The following CCDC91 variants were observed in gnomAD, a reference collection of about 807,000 sequenced individuals.
The protein encoded by CCDC91 is coiled-coil domain containing 91, also known as coiled-coil domain-containing protein 91.
In CCDC91, 48 loss-of-function variants were observed where a neutral mutation model predicts 63.2. The ratio of observed to expected loss-of-function variants is 0.76; its 90% CI spans 0.60 to 0.97. The LOEUF is 0.97. Among genes scored for constraint, CCDC91 ranks in the 50% least tolerant of loss-of-function variants. The probability of loss-of-function intolerance (pLI) is 0.00; values close to 1 mark genes in which losing one functional copy is unlikely to be tolerated. For synonymous variants in CCDC91, 167 were observed against 165.8 expected (o/e 1.01, Z -0.06); for missense variants, 500 against 494.6 (o/e 1.01, Z -0.10).
intron 6 of CCDC91, among the ~76,000 whole-genome samples, chr12:28,315,439 T>C (rs1417506075): frequency 2.0e-5 from 3 of 152,012 alleles, no homozygotes; most frequent in Admixed American, 2.0e-4. Flanking sequence ...ATGCTGGGAT[T>C]ACAGGCATGA....
intron 8 of CCDC91, among the ~76,000 whole-genome samples, chr12:28,399,206 T>TA (rs1405273065): frequency 1.3e-5 from 2 of 152,128 alleles, no homozygotes; most frequent in African/African-American, 2.4e-5. Context: ...TCAGGAAACT[T>TA]ACAATCATAG....
intron 12 of CCDC91, among the ~76,000 whole-genome samples, chr12:28,487,155 G>A (rs1951768888): frequency 6.6e-6 from 1 of 151,806 alleles, no homozygotes. Flanking sequence ...GATTAAAACT[G>A]ATTTAATCAG....
At chr12:28,283,065 T>C (rs139722594) in intron 3 of CCDC91, among the ~76,000 whole-genome samples, 1 of 152,262 alleles carries the variant, frequency 6.6e-6, no homozygotes, top group Non-Finnish European at 1.5e-5. Context: ...TCTATTGGCC[T>C]ATGTGTCTAC....
At chr12:28,490,011 A>C (rs1951914544) in intron 12 of CCDC91, among the ~76,000 whole-genome samples, 1 of 151,950 alleles carries the variant, frequency 6.6e-6, no homozygotes, top group Non-Finnish European at 1.5e-5. Context: ...GACTATGAGT[A>C]ACATTTTCCT....
intron 1 of CCDC91, among the ~76,000 whole-genome samples, chr12:28,251,919 G>A (rs1169754427): frequency 1.3e-5 from 2 of 152,172 alleles, no homozygotes; most frequent in Admixed American, 6.5e-5. Context: ...CTAATCCTAT[G>A]TCTTTTTCTT....
intron 11 of CCDC91, among the ~76,000 whole-genome samples, chr12:28,479,238 A>G (rs916650073): frequency 1.3e-5 from 2 of 152,172 alleles, no homozygotes; most frequent in African/African-American, 4.8e-5. Context: ...GATAGACACG[A>G]TTAAGAAAAT....
At chr12:28,374,985 A>G (rs1944854230) in intron 7 of CCDC91, among the ~76,000 whole-genome samples, 2 of 152,064 alleles carry the variant, frequency 1.3e-5, no homozygotes, top group South Asian at 4.1e-4. Context: ...TCCTGAAGGA[A>G]TGTTACATGC....
rs1592541955 is a variant in CCDC91, at chr12:28,395,723, A to T, written c.762+4312A>T. ...ATGGGGGCTATCATCAGAAAAACCG[A>T]GGCATGAATAAAGGGTTGAAACTTT... On this transcript the variant is annotated intron_variant, in intron 8 of 12. Transcript: ENST00000536442. 2.0e-5 allele frequency among the ~76,000 whole-genome samples: 3 copies of T among 152,280 alleles called. No individual in the cohort carries two copies. In the South Asian group the frequency reaches 6.2e-4, roughly 32 times the overall value.
chr12:28,548,742 T>G (rs1469008862), intron 12 of CCDC91, among the ~76,000 whole-genome samples: 1 of 152,174 alleles, frequency 6.6e-6, no homozygotes, highest in East Asian at 1.9e-4. Context: ...TTTGTGGATG[T>G]TTGGTTGCGT....
intron 11 of CCDC91, among the ~76,000 whole-genome samples, chr12:28,480,273 AT>A (rs1455176781): frequency 1.3e-5 from 2 of 151,964 alleles, no homozygotes; most frequent in Non-Finnish European, 2.9e-5. Flanking sequence ...GAGCTCACCT[AT>A]TTTTTTAAGG....
At chr12:28,328,888 A>T (rs1253554071) in intron 6 of CCDC91, among the ~76,000 whole-genome samples, 1 of 152,110 alleles carries the variant, frequency 6.6e-6, no homozygotes, top group Non-Finnish European at 1.5e-5. Context: ...TTGAATATAG[A>T]TGCTTAAAAT....
At position 28,329,865 on chromosome 12, in the gene CCDC91, G is replaced by A. The variant is rs1329135496; in HGVS notation, c.576+22116G>A. ...CCACCTATGAGTGAGAACATGTGGTGTTTGATTTTCTGTCCTTGTGATAGT... is the reference window on the plus strand; with the variant it reads ...CCACCTATGAGTGAGAACATGTGGTATTTGATTTTCTGTCCTTGTGATAGT... On this transcript the variant is annotated intron_variant, in intron 6 of 12. Coordinates refer to ENST00000536442, the MANE Select transcript of CCDC91 (RefSeq NM_018318.5). Among the ~76,000 whole-genome samples the A allele has an allele frequency of 5.3e-5, 8 of 152,216 alleles. No individual in the cohort carries two copies. The South Asian group carries it at 1.5e-3, about 28-fold the overall frequency.
intron 8 of CCDC91, among the ~76,000 whole-genome samples, chr12:28,441,085 G>GAAAAGAAAAGA (rs1949179610): frequency 3.6e-5 from 2 of 55,514 alleles, no homozygotes; most frequent in Non-Finnish European, 3.2e-5. Context: ...AAAAAAAAAA[G>GAAAAGAAAAGA]AAAAGAAAAA....
chr12:28,485,200 C>G (rs1332370774), intron 12 of CCDC91, among the ~76,000 whole-genome samples: 3 of 151,612 alleles, frequency 2.0e-5, no homozygotes, highest in African/African-American at 7.3e-5. Flanking sequence ...GCTCTGTTGC[C>G]CAGGCTGGAG....
rs1946025045 is a variant in CCDC91, at chr12:28,392,683, A to G, written c.762+1272A>G. Among the ~76,000 whole-genome samples the G allele has an allele frequency of 2.0e-5, 3 of 152,234 alleles. No homozygotes were observed. In the South Asian group the frequency reaches 6.2e-4, roughly 31 times the overall value. ...CTTTTCTTTTGTTCACCAAATAGTC[A>G]AAGTCTCTATCTCACAGGCAAATTA... On this transcript the variant is annotated intron_variant, in intron 8 of 12. Transcript: ENST00000536442.
At chr12:28,528,146 A>C (rs900442385) in intron 12 of CCDC91, among the ~76,000 whole-genome samples, 6 of 152,110 alleles carry the variant, frequency 3.9e-5, no homozygotes, top group Admixed American at 3.3e-4. Flanking sequence ...AAATTGTTGC[A>C]AAGTTCCACT....
intron 12 of CCDC91, among the ~76,000 whole-genome samples, chr12:28,521,051 G>A (rs1289242256): frequency 6.6e-6 from 1 of 152,146 alleles, no homozygotes; most frequent in Non-Finnish European, 1.5e-5. Flanking sequence ...ACTTGGCAAT[G>A]CGGGCTCTTT....
intron 11 of CCDC91, among the ~76,000 whole-genome samples, chr12:28,473,974 T>TGTG: frequency 6.7e-6 from 1 of 149,696 alleles, no homozygotes; most frequent in African/African-American, 2.4e-5. Flanking sequence ...GCATGTGTGT[T>TGTG]TGTGTGTGTG....
intron 3 of CCDC91, among the ~76,000 whole-genome samples, chr12:28,272,243 G>T (rs1947821006): frequency 6.6e-6 from 1 of 150,874 alleles, no homozygotes; most frequent in Non-Finnish European, 1.5e-5. Context: ...GAATTTTTTG[G>T]GCTTCTGAAT....
Sources: allele counts gnomAD v4.1 joint callset (sites outside exome capture counted in the v4.1 genomes callset), GRCh38; gene constraint gnomAD v4.1.1; transcripts MANE v1.5; gene names NCBI Gene and HGNC (gene_info 2026-07-23, HGNC 2026-07-21).